The following PPME1 variants were observed in gnomAD, a reference collection of about 807,000 sequenced individuals.
PPME1 encodes the protein testicular secretory protein Li 39.
Under a neutral mutation model 56.9 loss-of-function variants are expected in PPME1, and 17 were observed. That is an observed-to-expected ratio of 0.30 (90% CI 0.20 to 0.45). The LOEUF is 0.45. PPME1 is among the 20% of genes least tolerant of loss of function. PPME1 has a pLI of 1.00. For missense variants in PPME1, 357 were observed against 483.2 expected (o/e 0.74, Z 2.45); for synonymous variants, 122 against 156.2 (o/e 0.78, Z 1.63).
Position 74,230,881 on chromosome 11 carries a change from T to C in PPME1, c.554-31T>C. 6.7e-7 allele frequency: 1 copy of C among 1,488,586 alleles called. No individual in the cohort carries two copies. The highest frequency in any genetic ancestry group is 2.4e-5 in the East Asian group (1 of 42,462). 92.2% of individuals were successfully genotyped at this position (1,488,586 alleles called of 1,614,324 possible). A position where few individuals can be genotyped will look rare whatever the true frequency, so the allele number is the denominator to read the frequency against. On this transcript the variant is annotated intron_variant, in intron 6 of 13. Transcript: ENST00000328257. The surrounding 1 kb of genome is among the most constrained non-coding windows in gnomAD (Gnocchi z 4.9). ...GTGTAAATGCTCAGAATAAGTTAAATATGTGGTTACAGTTTTTGTTTAACA... is the reference window on the plus strand; with the variant it reads ...GTGTAAATGCTCAGAATAAGTTAAACATGTGGTTACAGTTTTTGTTTAACA...
chr11:74,245,746 G>A (rs1859486774), intron 9 of PPME1, among the ~76,000 whole-genome samples: 1 of 151,988 alleles, frequency 6.6e-6, no homozygotes, highest in Admixed American at 6.6e-5. Context: ...TTATTCTTTT[G>A]ATGAAACATC....
At chr11:74,232,860 AT>A (rs35057762) in intron 7 of PPME1, among the ~76,000 whole-genome samples, 10,026 of 93,786 alleles carry the variant, frequency 0.11, 332 homozygotes, top group East Asian at 0.25. Context: ...TTGTTATTTG[AT>A]TTTTTTTTTT....
intron 3 of PPME1, among the ~76,000 whole-genome samples, chr11:74,220,875 T>A (rs1348395353): frequency 6.6e-6 from 1 of 152,198 alleles, no homozygotes; most frequent in Non-Finnish European, 1.5e-5. Flanking sequence ...AGATCTGCTC[T>A]GACTTTTTGA....
chr11:74,204,958 T>C (rs1858288598), intron 3 of PPME1: 1 of 152,692 alleles, frequency 6.5e-6, no homozygotes, highest in Non-Finnish European at 1.5e-5. Context: ...TTTTTCTCTC[T>C]GGCCTCTCAA....
chr11:74,252,477 C>T (rs1004136562), intron 13 of PPME1: 18 of 456,356 alleles, frequency 3.9e-5, no homozygotes, highest in South Asian at 2.6e-4. Context: ...ATGGGTGCCT[C>T]TGCCAGGCTT....
intron 1 of PPME1, among the ~76,000 whole-genome samples, chr11:74,192,223 T>C (rs902807823): frequency 2.6e-5 from 4 of 152,352 alleles, no homozygotes; most frequent in Admixed American, 2.6e-4. Flanking sequence ...ATTTAATGAC[T>C]ACCCTGCTGG....
chr11:74,195,391 A>G (rs1395905893), intron 1 of PPME1, among the ~76,000 whole-genome samples: 2 of 152,160 alleles, frequency 1.3e-5, no homozygotes, highest in Non-Finnish European at 2.9e-5. Context: ...TACAGGATTC[A>G]GTCTTCTGTG....
intron 3 of PPME1, among the ~76,000 whole-genome samples, chr11:74,213,856 C>T (rs932528459): frequency 3.3e-5 from 5 of 152,178 alleles, no homozygotes; most frequent in Non-Finnish European, 2.9e-5. Flanking sequence ...GGAAAGCTTT[C>T]GCAGGAAGAA....
At chr11:74,184,098 T>G (rs1394574896) in intron 1 of PPME1, among the ~76,000 whole-genome samples, 1 of 152,212 alleles carries the variant, frequency 6.6e-6, no homozygotes, top group East Asian at 1.9e-4. Context: ...TTTATTCTTT[T>G]AAGAAATATA....
intron 3 of PPME1, chr11:74,205,013 AC>A (rs1858291248): frequency 6.6e-6 from 1 of 152,304 alleles, no homozygotes; most frequent in South Asian, 2.1e-4. Flanking sequence ...ATTTGTGTAA[AC>A]TTCCATAGTG....
chr11:74,247,017 C>T (rs897011986), intron 10 of PPME1, 62 bp from the exon 11 acceptor site: 2 of 1,377,538 alleles, frequency 1.5e-6, no homozygotes, highest in Middle Eastern at 2.2e-4. Context: ...AACTTTGTAA[C>T]ACTTTTTACT....
chr11:74,253,788 C>A lies in PPME1; in HGVS notation c.*278C>A. The stretch of plus-strand genomic sequence containing the variant: ...GCTCCTGCCTGCTCTCCCTGCGTTG[C>A]CTAGGGTAAAGCCTCCAGATTTGCC... On this transcript the variant is annotated 3_prime_UTR_variant, in exon 14 of 14. Coordinates refer to ENST00000328257, the MANE Select transcript of PPME1 (RefSeq NM_016147.3). 1.8e-6 allele frequency: 1 copy of A among 558,388 alleles called. No individual in the cohort carries two copies. The highest frequency in any genetic ancestry group is 3.2e-6 in the Non-Finnish European group (1 of 314,182). The allele number at this position is 558,388 out of a possible 1,614,324, so 34.6% of individuals were successfully genotyped here.
chr11:74,204,656 T>A (rs1345637915), intron 3 of PPME1, among the ~76,000 whole-genome samples: 1 of 152,162 alleles, frequency 6.6e-6, no homozygotes, highest in Non-Finnish European at 1.5e-5. Flanking sequence ...TTATGTATTG[T>A]TCTTTGAGAA....
intron 7 of PPME1, 29 bp from the exon 8 acceptor site, chr11:74,235,872 C>T: frequency 6.3e-7 from 1 of 1,595,756 alleles, no homozygotes; most frequent in Non-Finnish European, 8.5e-7. Context: ...ACTGAATAAC[C>T]TTCTCTCTTC....
intron 8 of PPME1, 53 bp downstream of exon 8, chr11:74,236,019 G>A: frequency 6.3e-7 from 1 of 1,587,236 alleles, no homozygotes; most frequent in South Asian, 1.2e-5. Flanking sequence ...CATGGTGAGG[G>A]AATTACAGAT....
At chr11:74,235,411 G>C (rs929136949) in intron 7 of PPME1, among the ~76,000 whole-genome samples, 1 of 151,910 alleles carries the variant, frequency 6.6e-6, no homozygotes, top group Non-Finnish European at 1.5e-5. Flanking sequence ...TCATTATCCT[G>C]CCGACTTTCA....
At chr11:74,228,954 C>T (rs1858998470) in intron 5 of PPME1, among the ~76,000 whole-genome samples, 1 of 152,128 alleles carries the variant, frequency 6.6e-6, no homozygotes, top group Non-Finnish European at 1.5e-5. Flanking sequence ...TGGATGACTG[C>T]CTGAACTGCT....
chr11:74,205,160 A>G (rs1858295924), intron 3 of PPME1: 3 of 152,180 alleles, frequency 2.0e-5, no homozygotes, highest in African/African-American at 7.2e-5. Flanking sequence ...GCACATGGAG[A>G]TATCTCATAA....
chr11:74,252,950 C>T (rs142355556), intron 13 of PPME1, among the ~76,000 whole-genome samples: 1 of 152,182 alleles, frequency 6.6e-6, no homozygotes, highest in Non-Finnish European at 1.5e-5. Context: ...TCAGAGAGCC[C>T]ACAACCCTCA....
Sources: gnomAD v4.1 joint callset for allele counts (sites outside exome capture counted in the v4.1 genomes callset) on GRCh38, gnomAD v4.1.1 for gene constraint, Gnocchi (gnomAD v3.1) non-coding constraint, MANE v1.5 for transcripts, NCBI Gene and HGNC (gene_info 2026-07-23, HGNC 2026-07-21) for gene names.